Variants in RORA observed in about 807,000 individuals in gnomAD.
RORA encodes the protein RAR related orphan receptor A.
In RORA, 7 loss-of-function variants were observed where a neutral mutation model predicts 69.5. That is an observed-to-expected ratio of 0.10 (90% CI 0.06 to 0.19). The LOEUF (loss-of-function observed/expected upper bound fraction) is 0.19. Among genes scored for constraint, RORA ranks in the 10% least tolerant of loss-of-function variants. The probability of loss-of-function intolerance (pLI) is 1.00; values close to 1 mark genes in which losing one functional copy is unlikely to be tolerated. For synonymous variants in RORA, 261 were observed against 240.8 expected, an observed-to-expected ratio of 1.08 and a Z score of -0.78; for missense variants, 457 against 663.0, an observed-to-expected ratio of 0.69 and a Z score of 3.41.
intron 1 of RORA, among the ~76,000 whole-genome samples, chr15:61,073,450 T>C (rs1461364615): frequency 6.6e-6 from 1 of 150,780 alleles, no homozygotes; most frequent in African/African-American, 2.4e-5. Context: ...GCACATTTCT[T>C]CACAGCCCTG....
intron 1 of RORA, among the ~76,000 whole-genome samples, chr15:61,197,798 C>T (rs901363919): frequency 6.6e-6 from 1 of 152,160 alleles, no homozygotes; most frequent in Non-Finnish European, 1.5e-5. Context: ...AGGAGGTTCC[C>T]ACTTCTCAGG....
intron 1 of RORA, among the ~76,000 whole-genome samples, chr15:61,023,551 G>A (rs906654922): frequency 6.6e-6 from 1 of 152,174 alleles, no homozygotes; most frequent in African/African-American, 2.4e-5. Context: ...TGAGATTTGG[G>A]TAGGGACACA....
At chr15:60,723,289 T>A (rs779018272) in intron 1 of RORA, among the ~76,000 whole-genome samples, 2 of 152,080 alleles carry the variant, frequency 1.3e-5, no homozygotes, top group Non-Finnish European at 2.9e-5. Flanking sequence ...CGCATATAGG[T>A]TGAAAAAGGT....
chr15:60,993,924 A>G (rs1040540143), intron 1 of RORA, among the ~76,000 whole-genome samples: 1 of 152,216 alleles, frequency 6.6e-6, no homozygotes, highest in Non-Finnish European at 1.5e-5. Context: ...ACCTAGATAC[A>G]TAATTTTCAA....
chr15:60,730,136 T>A (rs1462285055), intron 1 of RORA, among the ~76,000 whole-genome samples: 1 of 152,200 alleles, frequency 6.6e-6, no homozygotes, highest in Non-Finnish European at 1.5e-5. Context: ...CAGTTCTAAA[T>A]GAGGCTGCAA....
intron 1 of RORA, among the ~76,000 whole-genome samples, chr15:61,123,798 C>T (rs890450251): frequency 6.6e-6 from 1 of 152,204 alleles, no homozygotes; most frequent in African/African-American, 2.4e-5. Context: ...CCTGAAATGT[C>T]TCCCTAACCT....
At chr15:60,649,799 T>G (rs868802076) in intron 2 of RORA, among the ~76,000 whole-genome samples, 6 of 152,188 alleles carry the variant, frequency 3.9e-5, no homozygotes, top group African/African-American at 1.4e-4. Flanking sequence ...TAATTACCAA[T>G]AGACCCCTCA....
intron 1 of RORA, among the ~76,000 whole-genome samples, chr15:61,019,168 T>C (rs1895413264): frequency 6.6e-6 from 1 of 152,240 alleles, no homozygotes; most frequent in African/African-American, 2.4e-5. Flanking sequence ...CCACAGAACA[T>C]GCCCAGCGGA....
chr15:60,679,722 G>A (rs1362946521), intron 1 of RORA, among the ~76,000 whole-genome samples: 5 of 152,104 alleles, frequency 3.3e-5, no homozygotes, highest in South Asian at 4.1e-4. Flanking sequence ...CATGTCGTAC[G>A]GGGAAGAAAT....
chr15:61,035,480 T>C (rs1009549062), intron 1 of RORA, among the ~76,000 whole-genome samples: 4 of 152,208 alleles, frequency 2.6e-5, no homozygotes, highest in Non-Finnish European at 4.4e-5. Flanking sequence ...CCCATTTCAC[T>C]TAAAAAGTCC....
intron 1 of RORA, among the ~76,000 whole-genome samples, chr15:61,052,113 T>C (rs1208258310): frequency 6.6e-6 from 1 of 152,108 alleles, no homozygotes; most frequent in Non-Finnish European, 1.5e-5. Context: ...CATCCCAGAG[T>C]GCAAGAGTTA....
chr15:60,982,417 T>C (rs1034903369), intron 1 of RORA, among the ~76,000 whole-genome samples: 2 of 152,188 alleles, frequency 1.3e-5, no homozygotes, highest in Non-Finnish European at 2.9e-5. Context: ...TTTTGGCTAG[T>C]CTATTGTTTC....
chr15:61,217,857 A>G (rs2080054743), intron 1 of RORA, among the ~76,000 whole-genome samples: 1 of 152,222 alleles, frequency 6.6e-6, no homozygotes, highest in African/African-American at 2.4e-5. Context: ...AAAGTGGCAT[A>G]AAGATACTGT....
chr15:61,086,927 C>G (rs1473655904), intron 1 of RORA, among the ~76,000 whole-genome samples: 1 of 152,170 alleles, frequency 6.6e-6, no homozygotes, highest in Admixed American at 6.5e-5. Context: ...AATCTCAATG[C>G]TTTTGTAGGC....
chr15:61,093,124 T>C (rs189797660), intron 1 of RORA, among the ~76,000 whole-genome samples: 72 of 152,330 alleles, frequency 4.7e-4, no homozygotes, highest in Non-Finnish European at 6.6e-4. Flanking sequence ...TGATGGCTAA[T>C]ACCTATCTCA....
intron 1 of RORA, among the ~76,000 whole-genome samples, chr15:60,693,230 C>T (rs2070854771): frequency 6.6e-6 from 1 of 152,130 alleles, no homozygotes; most frequent in South Asian, 2.1e-4. Flanking sequence ...GCAGAAAAGG[C>T]CTTCAATAAA....
intron 1 of RORA, among the ~76,000 whole-genome samples, chr15:60,815,150 T>C (rs114757946): frequency 0.011 from 1,708 of 152,100 alleles, 29 homozygotes; most frequent in African/African-American, 0.039. Context: ...TGTGGAGGAG[T>C]GGCCAGGTTT....
At chr15:60,619,621 A>T (rs1437790523) in intron 2 of RORA, among the ~76,000 whole-genome samples, 2 of 152,196 alleles carry the variant, frequency 1.3e-5, no homozygotes, top group Non-Finnish European at 2.9e-5. Flanking sequence ...ATCTCATAGC[A>T]TTGAAATCTG....
At chr15:60,892,091 T>A (rs958970997) in intron 1 of RORA, among the ~76,000 whole-genome samples, 1 of 152,236 alleles carries the variant, frequency 6.6e-6, no homozygotes, top group African/African-American at 2.4e-5. Flanking sequence ...TTGGAAAGAC[T>A]GCTGCAGTCA....
Sources: gnomAD v4.1 joint callset for allele counts (sites outside exome capture counted in the v4.1 genomes callset) on GRCh38, gnomAD v4.1.1 for gene constraint, MANE v1.5 for transcripts, NCBI Gene and HGNC (gene_info 2026-07-23, HGNC 2026-07-21) for gene names.